Variants in AVEN observed in about 807,000 individuals in gnomAD.
The protein encoded by AVEN is cell death regulator Aven.
In AVEN, 41 loss-of-function variants were observed where a neutral mutation model predicts 38.1. The observed-to-expected ratio is 1.08, with a 90% confidence interval of 0.84 to 1.40. AVEN has a LOEUF of 1.40. AVEN is among the 40% of genes most tolerant of loss of function. AVEN has a pLI of 0.00. For missense variants in AVEN, 605 were observed against 438.8 expected (o/e 1.38, Z -3.38); for synonymous variants, 206 against 171.8 (o/e 1.20, Z -1.56).
chr15:33,986,172 T>C (rs987001909), intron 2 of AVEN, among the ~76,000 whole-genome samples: 1 of 152,028 alleles, frequency 6.6e-6, no homozygotes, highest in African/African-American at 2.4e-5. Context: ...AGTGGCGCCA[T>C]CTCGGCTCAC....
chr15:33,959,477 C>T (rs969018957), intron 2 of AVEN, among the ~76,000 whole-genome samples: 6 of 152,110 alleles, frequency 3.9e-5, no homozygotes, highest in Non-Finnish European at 7.4e-5. Flanking sequence ...TCTCTCACTA[C>T]TCCCTACACT....
At chr15:33,906,363 T>G (rs12914019) in intron 2 of AVEN, among the ~76,000 whole-genome samples, 44,421 of 152,180 alleles carry the variant, frequency 0.29, 8,152 homozygotes, top group East Asian at 0.45. Context: ...GAGAAGCACC[T>G]TTTAAAATAC....
chr15:33,942,075 A>T (rs956160003), intron 2 of AVEN, among the ~76,000 whole-genome samples: 32 of 152,214 alleles, frequency 2.1e-4, no homozygotes, highest in Non-Finnish European at 2.9e-5. Flanking sequence ...TCGTTACAGC[A>T]CTTGAAGACT....
At chr15:34,058,380 C>T (rs1005958060) in intron 5 of AVEN, among the ~76,000 whole-genome samples, 1 of 152,156 alleles carries the variant, frequency 6.6e-6, no homozygotes, top group African/African-American at 2.4e-5. Context: ...TAGGCTCCAA[C>T]AAACCAGAAT....
chr15:33,912,976 G>A (rs912274458), intron 2 of AVEN, among the ~76,000 whole-genome samples: 6 of 149,746 alleles, frequency 4.0e-5, no homozygotes, highest in Admixed American at 6.7e-5. Flanking sequence ...CACAACCTCC[G>A]CCTCCTGGGT....
chr15:33,968,782 C>G (rs2140489376), intron 2 of AVEN: 1 of 152,180 alleles, frequency 6.6e-6, no homozygotes, highest in South Asian at 2.1e-4. Context: ...TACGAACAAG[C>G]AGAACTTTTC....
chr15:33,947,393 C>A (rs965996541), intron 2 of AVEN, among the ~76,000 whole-genome samples: 1 of 152,054 alleles, frequency 6.6e-6, no homozygotes, highest in Non-Finnish European at 1.5e-5. Context: ...AGTAAAAAAC[C>A]ATCATGAGAG....
At chr15:33,927,411 CAAT>C (rs1408977080) in intron 2 of AVEN, among the ~76,000 whole-genome samples, 5 of 151,956 alleles carry the variant, frequency 3.3e-5, no homozygotes, top group African/African-American at 7.3e-5. Context: ...TAATAATTAT[CAAT>C]AATAATGATA....
At chr15:33,873,562 G>A (rs1043988620) in intron 3 of AVEN, among the ~76,000 whole-genome samples, 31 of 146,144 alleles carry the variant, frequency 2.1e-4, no homozygotes, top group African/African-American at 7.5e-4. Flanking sequence ...TATAATATAC[G>A]TATTATATAT....
intron 2 of AVEN, among the ~76,000 whole-genome samples, chr15:33,970,500 G>A (rs369338086): frequency 6.6e-6 from 1 of 151,808 alleles, no homozygotes; most frequent in East Asian, 1.9e-4. Flanking sequence ...AAAAGTTAAG[G>A]GTGGTATTGT....
chr15:33,943,147 G>C (rs1157923499), intron 2 of AVEN, among the ~76,000 whole-genome samples: 1 of 152,156 alleles, frequency 6.6e-6, no homozygotes, highest in Non-Finnish European at 1.5e-5. Flanking sequence ...ATCTTGAAGA[G>C]GTATTTGGCT....
At chr15:33,971,793 C>T (rs1895650401) in intron 2 of AVEN, among the ~76,000 whole-genome samples, 1 of 151,920 alleles carries the variant, frequency 6.6e-6, no homozygotes, top group Admixed American at 6.6e-5. Flanking sequence ...TATATTTGTT[C>T]CTTATTATGG....
downstream of AVEN, chr15:33,864,279 A>T (rs897965150): frequency 6.1e-6 from 6 of 991,734 alleles, no homozygotes; most frequent in Non-Finnish European, 6.1e-6. Context: ...AAATACATAC[A>T]TGGCCCCATT....
chr15:34,029,118 C>T (rs1225598547), intron 1 of AVEN, among the ~76,000 whole-genome samples: 2 of 152,254 alleles, frequency 1.3e-5, no homozygotes, highest in East Asian at 3.9e-4. Context: ...CATTCTCAGG[C>T]TTCCACAGCA....
downstream of AVEN, among the ~76,000 whole-genome samples, chr15:33,854,137 A>T (rs892570047): frequency 6.6e-6 from 1 of 151,330 alleles, no homozygotes; most frequent in African/African-American, 2.4e-5. Flanking sequence ...TGGAGGTTGC[A>T]GTAAGCCAAG....
At chr15:33,872,551 T>TC (rs906981550) in intron 3 of AVEN, among the ~76,000 whole-genome samples, 1 of 151,582 alleles carries the variant, frequency 6.6e-6, no homozygotes, top group Non-Finnish European at 1.5e-5. Context: ...CTGGGTGGCG[T>TC]GGGGGGAGCC....
intron 1 of AVEN, among the ~76,000 whole-genome samples, chr15:34,030,791 G>T (rs1392656432): frequency 6.6e-6 from 1 of 151,458 alleles, no homozygotes; most frequent in African/African-American, 2.4e-5. Flanking sequence ...TAAATTTTTT[G>T]TTGTTGTTGT....
At chr15:34,065,460 G>A (rs1299888063) in intron 4 of AVEN, 1 of 152,198 alleles carries the variant, frequency 6.6e-6, no homozygotes, top group African/African-American at 2.4e-5. Context: ...GTTGTGGGGT[G>A]AGGTGGGGGT....
At position 34,072,440 on chromosome 15, in the gene AVEN, G is replaced by A. The variant is rs558682383; in HGVS notation, n.721-1789C>T. On this transcript the variant is annotated intron_variant and non_coding_transcript_variant, in intron 1 of 11. Coordinates refer to the AVEN transcript ENST00000675287. ...AGACTAACCAACATGGTGAAACCCCGTCTCTACTAAAAATACAAAAAAATT... is the reference window on the plus strand; with the variant it reads ...AGACTAACCAACATGGTGAAACCCCATCTCTACTAAAAATACAAAAAAATT... Among the ~76,000 whole-genome samples the A allele has an allele frequency of 1.9e-3, 290 of 150,918 alleles. 1 individual carries two copies. Among genetic ancestry groups the A allele is most frequent in the Non-Finnish European group, 3.3e-3 (226 of 67,752 alleles).
Sources: allele counts gnomAD v4.1 joint callset (sites outside exome capture counted in the v4.1 genomes callset), GRCh38; gene constraint gnomAD v4.1.1; transcripts MANE v1.5; gene names NCBI Gene and HGNC (gene_info 2026-07-23, HGNC 2026-07-21).